Variants in SPDYE4 observed in about 807,000 individuals in gnomAD.
SPDYE4 encodes the protein speedy/RINGO cell cycle regulator family member E4, also known as speedy protein E4.
A neutral mutation model predicts 37.5 loss-of-function variants in SPDYE4; 30 were observed. That is an observed-to-expected ratio of 0.80 (90% CI 0.60 to 1.09). SPDYE4 has a LOEUF of 1.09. Among genes scored for constraint, SPDYE4 ranks in the 50% least tolerant of loss-of-function variants. The pLI is 0.00. For synonymous variants in SPDYE4, 131 were observed against 120.3 expected, an observed-to-expected ratio of 1.09 and a Z score of -0.58; for missense variants, 300 against 307.9, an observed-to-expected ratio of 0.97 and a Z score of 0.19.
intron 2 of SPDYE4, among the ~76,000 whole-genome samples, chr17:8,756,886 T>C (rs1056746389): frequency 6.7e-6 from 1 of 150,180 alleles, no homozygotes; most frequent in Non-Finnish European, 1.5e-5. Flanking sequence ...CTTTCTTTTA[T>C]CTTTTATTTT....
chr17:8,749,710 G>A (rs1464299891), downstream of SPDYE4, among the ~76,000 whole-genome samples: 1 of 152,212 alleles, frequency 6.6e-6, no homozygotes, highest in Admixed American at 6.5e-5. Context: ...TCCCAAGAAT[G>A]TTTGGAGTGT....
chr17:8,753,386 G>A lies in SPDYE4; in HGVS notation c.589C>T (p.Leu197Phe), dbSNP rs1435373375. 6.3e-7 allele frequency: 1 copy of A among 1,591,484 alleles called. No homozygotes were observed. Among genetic ancestry groups the A allele is most frequent in the Non-Finnish European group, 8.6e-7 (1 of 1,168,722 alleles). Residue 197 changes from leucine to phenylalanine, a missense_variant, in exon 5 of 7, where the codon CTT (leucine) becomes TTT (phenylalanine). Physicochemically the swap from Leu to Phe is conservative, Grantham distance 22. Coordinates refer to ENST00000689094, the MANE Select transcript of SPDYE4 (RefSeq NM_001394956.1). ...ATGGAACAGAGGAGCTGGTATCGAAGCTTATGGAACAAGGGTCGCTGGGAG... is the reference window on the plus strand; with the variant it reads ...ATGGAACAGAGGAGCTGGTATCGAAACTTATGGAACAAGGGTCGCTGGGAG... ...NYSQRPLFHK[L>F]RYQLLCSMRW... is the part of the protein sequence containing the mutation.
intron 2 of SPDYE4, 123 bp from the exon 3 acceptor site, chr17:8,756,559 G>T: frequency 1.2e-6 from 1 of 865,124 alleles, no homozygotes; most frequent in Non-Finnish European, 1.9e-6. Flanking sequence ...AGGCTTAGGT[G>T]GATGGGAGAG....
Position 8,758,357 on chromosome 17 carries a change from G to A in SPDYE4, c.26C>T (p.Pro9Leu), listed in dbSNP as rs571433068. The A allele has an allele frequency of 1.5e-4, 232 of 1,550,960 alleles. 1 individual carries two copies. The South Asian group carries it at 2.4e-3, about 16-fold the overall frequency. ...AGGCTGGGGGCTCTCCTCCTCAAAC[G>A]GGGGGCGCGCTTGACCACTGGCCAT... MASGQARP[P>L]FEEESPQPST... The change falls in exon 1 of 7, where the codon CCG (proline) becomes CTG (leucine). Residue 9 changes from proline to leucine, a missense_variant. Transcript: ENST00000689094.
At chr17:8,757,630 T>TCC in intron 1 of SPDYE4, 138 bp from the exon 2 acceptor site, 2 of 797,162 alleles carry the variant, frequency 2.5e-6, no homozygotes, top group East Asian at 2.6e-5. Flanking sequence ...TGTTTCCACC[T>TCC]TTCTCCTTTG....
rs1429817220 is a variant in SPDYE4 at position 8,755,012 on chromosome 17, G to GT, written c.485+507dup. Reference sequence around the variant, plus strand: ...GCTAAGGAGGTTGTTCAGGTGGGCAGTGAAGGGGGGGTGGGAGCTGTGCTT... The same window carrying GT: ...GCTAAGGAGGTTGTTCAGGTGGGCAGTTGAAGGGGGGGTGGGAGCTGTGCTT... On this transcript the variant is annotated intron_variant, in intron 4 of 6. Coordinates refer to ENST00000689094, the MANE Select transcript of SPDYE4 (RefSeq NM_001394956.1). 2.0e-5 allele frequency among the ~76,000 whole-genome samples: 3 copies of GT among 152,378 alleles called. No homozygotes were observed. In the Middle Eastern group the frequency reaches 0.01, roughly 518 times the overall value.
Position 8,758,432 on chromosome 17 carries a change from T to C in SPDYE4, c.-50A>G. 6.6e-7 allele frequency: 1 copy of C among 1,507,034 alleles called. No individual in the cohort carries two copies. Among genetic ancestry groups the C allele is most frequent in the Middle Eastern group, 1.7e-4 (1 of 5,910 alleles). 93.4% of individuals were successfully genotyped at this position (1,507,034 alleles called of 1,614,324 possible). On this transcript the variant is annotated 5_prime_UTR_variant, in exon 1 of 7. Coordinates refer to ENST00000689094, the MANE Select transcript of SPDYE4 (RefSeq NM_001394956.1). ...TGTCCACAAAACCTAGTCCCTGTTC[T>C]GTCCAAAGCCTTCTTCCAGACTCCG...
rs1486492163 is a variant in SPDYE4 at position 8,750,927 on chromosome 17, C to T, written c.*1355G>A. On this transcript the variant is annotated 3_prime_UTR_variant, in exon 7 of 7. Transcript: ENST00000689094. ...GCACTGTCCTCTTTGAAACACACAG[C>T]TCCTGTCCTCCTTTCAAACACATGT... Among the ~76,000 whole-genome samples, 5 of 152,202 alleles carry T rather than the reference C, an allele frequency of 3.3e-5. No homozygotes were observed. The highest frequency in any genetic ancestry group is 7.4e-5 in the Non-Finnish European group (5 of 68,024).
At chr17:8,753,537 C>A in intron 4 of SPDYE4, 48 bp from the exon 5 acceptor site, 1 of 1,601,670 alleles carries the variant, frequency 6.2e-7, no homozygotes, top group South Asian at 1.1e-5. Context: ...CCAGGAGGGA[C>A]CCCTGCCTGA....
chr17:8,751,008 T>A lies in SPDYE4; in HGVS notation c.*1274A>T, dbSNP rs9915873. Among the ~76,000 whole-genome samples the A allele has an allele frequency of 0.028, 4,306 of 152,260 alleles. 187 individuals carry two copies. The highest frequency in any genetic ancestry group is 0.095 in the African/African-American group (3,946 of 41,530). ...TACAAGCTAAAAAATTACGTCTGAA[T>A]TCTCACAGTTCAATAACAAACAAAC... On this transcript the variant is annotated 3_prime_UTR_variant, in exon 7 of 7. Coordinates refer to ENST00000689094, the MANE Select transcript of SPDYE4 (RefSeq NM_001394956.1).
intron 4 of SPDYE4, chr17:8,755,306 G>A (rs532129903): frequency 1.3e-5 from 8 of 602,114 alleles, no homozygotes; most frequent in East Asian, 7.1e-5. Flanking sequence ...ACGGGTTTAT[G>A]TTTCCTTTTG....
At chr17:8,756,895 T>A (rs1377713052) in intron 2 of SPDYE4, among the ~76,000 whole-genome samples, 5 of 152,046 alleles carry the variant, frequency 3.3e-5, no homozygotes, top group Admixed American at 3.3e-4. Context: ...ATCTTTTATT[T>A]TATTTTATTT....
Position 8,758,493 on chromosome 17 carries a change from C to A in SPDYE4, c.-111G>T. 1.9e-6 allele frequency: 2 copies of A among 1,055,086 alleles called. No homozygotes were observed. Among genetic ancestry groups the A allele is most frequent in the African/African-American group, 1.6e-5 (1 of 62,768 alleles). The allele number at this position is 1,055,086 out of a possible 1,614,324, so 65.4% of individuals were successfully genotyped here. A position where few individuals can be genotyped will look rare whatever the true frequency, so the allele number is the denominator to read the frequency against. On this transcript the variant is annotated 5_prime_UTR_variant, in exon 1 of 7. Coordinates refer to ENST00000689094, the MANE Select transcript of SPDYE4 (RefSeq NM_001394956.1). ...GAAGAGTGCGTTTCTCTTCTAGAGGCTCGGGAGAAGTTAGGAGTGAAGAGT... is the reference window on the plus strand; with the variant it reads ...GAAGAGTGCGTTTCTCTTCTAGAGGATCGGGAGAAGTTAGGAGTGAAGAGT...
chr17:8,752,371 G>A (rs988187485), intron 6 of SPDYE4, among the ~76,000 whole-genome samples, 134 bp from the exon 7 acceptor site: 3 of 152,094 alleles, frequency 2.0e-5, no homozygotes, highest in Non-Finnish European at 4.4e-5. Context: ...ACCCTTTATT[G>A]TAAACCCTGA....
At chr17:8,755,250 T>C (rs1184355291) in intron 4 of SPDYE4, 3 of 320,668 alleles carry the variant, frequency 9.4e-6, no homozygotes, top group African/African-American at 4.3e-5. Flanking sequence ...AATGGCTGCT[T>C]GCTTGGGGAG....
Position 8,751,556 on chromosome 17 carries a change from T to C in SPDYE4, c.*726A>G, listed in dbSNP as rs753316272. Among the ~76,000 whole-genome samples, 1 of 152,156 alleles carries C rather than the reference T, an allele frequency of 6.6e-6. No individual in the cohort carries two copies. Among genetic ancestry groups the C allele is most frequent in the Non-Finnish European group, 1.5e-5 (1 of 68,024 alleles). Reference sequence around the variant, plus strand: ...GGATATATTAGGTCAGTATCATAGATTACAAGAGTGCTCGCTTCAGGAGCA... The same window carrying C: ...GGATATATTAGGTCAGTATCATAGACTACAAGAGTGCTCGCTTCAGGAGCA... On this transcript the variant is annotated 3_prime_UTR_variant, in exon 7 of 7. Transcript: ENST00000689094.
chr17:8,753,267 C>T, intron 5 of SPDYE4, 54 bp downstream of exon 5: 1 of 1,602,748 alleles, frequency 6.2e-7, no homozygotes, highest in Non-Finnish European at 8.5e-7. Context: ...CTCCTCCAGC[C>T]TCCAGTCCAC....
chr17:8,754,999 G>T (rs751431771), intron 4 of SPDYE4, among the ~76,000 whole-genome samples: 1 of 152,226 alleles, frequency 6.6e-6, no homozygotes, highest in Non-Finnish European at 1.5e-5. Context: ...TAAGGAGGTT[G>T]TTCAGGTGGG....
At chr17:8,755,314 T>G (rs1461391698) in intron 4 of SPDYE4, 2 of 645,540 alleles carry the variant, frequency 3.1e-6, no homozygotes, top group Non-Finnish European at 4.8e-6. Context: ...ATGTTTCCTT[T>G]TGTTTGATTC....
Sources: gnomAD v4.1 joint callset for allele counts (sites outside exome capture counted in the v4.1 genomes callset) on GRCh38, gnomAD v4.1.1 for gene constraint, MANE v1.5 for transcripts, NCBI Gene and HGNC (gene_info 2026-07-23, HGNC 2026-07-21) for gene names.